ANO2: variants seen among roughly 807,000 people sequenced by gnomAD.
ANO2 encodes anoctamin-2.
In ANO2, 101 loss-of-function variants were observed where a neutral mutation model predicts 124.2. The ratio of observed to expected loss-of-function variants is 0.81; its 90% confidence interval spans 0.69 to 0.96. The LOEUF is 0.96. Ranked by LOEUF, ANO2 falls within the 40% of genes least tolerant of loss-of-function variation. The probability of loss-of-function intolerance (pLI) is 0.00; values close to 1 mark genes in which losing one functional copy is unlikely to be tolerated. For synonymous variants in ANO2, 486 were observed against 482.5 expected, an observed-to-expected ratio of 1.01 and a Z score of -0.09; for missense variants, 1,293 against 1,274.5, an observed-to-expected ratio of 1.01 and a Z score of -0.22.
intron 14 of ANO2, among the ~76,000 whole-genome samples, chr12:5,724,576 C>T (rs1207171018): frequency 6.6e-6 from 1 of 152,192 alleles, no homozygotes; most frequent in East Asian, 1.9e-4. Flanking sequence ...TAATTTATTC[C>T]ACGTGTTTGT....
chr12:5,905,985 G>A (rs769730179), intron 3 of ANO2, among the ~76,000 whole-genome samples: 2 of 152,184 alleles, frequency 1.3e-5, no homozygotes, highest in Admixed American at 6.5e-5. Flanking sequence ...TCTCCTCAGG[G>A]TGGGTGGCTC....
chr12:5,616,662 CT>C (rs1459766443), intron 16 of ANO2, among the ~76,000 whole-genome samples: 5 of 152,298 alleles, frequency 3.3e-5, no homozygotes, highest in African/African-American at 1.2e-4. Context: ...TATGGGCCCC[CT>C]AACTTGCCTG....
intron 14 of ANO2, among the ~76,000 whole-genome samples, chr12:5,721,071 C>G (rs545738964): frequency 1.3e-5 from 2 of 152,142 alleles, no homozygotes; most frequent in Non-Finnish European, 2.9e-5. Flanking sequence ...CCGAACCACG[C>G]TGGAGATTGT....
At chr12:5,873,422 T>A (rs1023797606) in intron 3 of ANO2, among the ~76,000 whole-genome samples, 27 of 152,106 alleles carry the variant, frequency 1.8e-4, no homozygotes, top group Non-Finnish European at 3.7e-4. Context: ...GCAAATAGCA[T>A]CCAACTCACT....
In ANO2 at chr12:5,855,536, A is replaced by G. The variant is rs1321220565; in HGVS notation, c.535-1395T>C. Reference sequence around the variant, plus strand: ...ATGAAGAATAAACCACGATTTCAAAAGGAGATTGGACTATGGTGTGAAAGC... The same window carrying G: ...ATGAAGAATAAACCACGATTTCAAAGGGAGATTGGACTATGGTGTGAAAGC... On this transcript the variant is annotated intron_variant, in intron 3 of 24. Coordinates refer to ENST00000682330, the MANE Select transcript of ANO2 (RefSeq NM_001364791.2). Among the ~76,000 whole-genome samples, 5 of 152,358 alleles carry G rather than the reference A, an allele frequency of 3.3e-5. No homozygotes were observed. In the East Asian group the frequency reaches 9.6e-4, roughly 29 times the overall value.
intron 14 of ANO2, among the ~76,000 whole-genome samples, chr12:5,684,002 T>C (rs1460399925): frequency 6.6e-6 from 1 of 152,190 alleles, no homozygotes; most frequent in African/African-American, 2.4e-5. Context: ...TAATTCACCA[T>C]GGCAGATGTG....
At chr12:5,670,340 C>A (rs1225040089) in intron 14 of ANO2, among the ~76,000 whole-genome samples, 1 of 152,174 alleles carries the variant, frequency 6.6e-6, no homozygotes, top group Non-Finnish European at 1.5e-5. Flanking sequence ...CACTTCCATG[C>A]CACTGTTCCA....
chr12:5,812,603 A>AGAAAGAGAGGAAGAAGAAAAAGG (rs1953448110), intron 7 of ANO2, among the ~76,000 whole-genome samples: 2 of 35,846 alleles, frequency 5.6e-5, no homozygotes, highest in African/African-American at 1.8e-4. Flanking sequence ...GGAAGAAGAA[A>AGAAAGAGAGGAAGAAGAAAAAGG]AAGGAAGGAA....
At chr12:5,926,456 C>T (rs1942083567) in intron 1 of ANO2, among the ~76,000 whole-genome samples, 3 of 152,162 alleles carry the variant, frequency 2.0e-5, no homozygotes, top group Admixed American at 2.0e-4. Flanking sequence ...GCATTCTGCC[C>T]CGCCAGTCTC....
intron 22 of ANO2, 55 bp from the exon 23 acceptor site, chr12:5,576,070 G>A (rs1942389230): frequency 1.3e-6 from 2 of 1,496,682 alleles, no homozygotes; most frequent in Non-Finnish European, 1.8e-6. Context: ...AAAAAGGACT[G>A]TCCACTCTTA....
At chr12:5,871,403 C>T (rs187671702) in intron 3 of ANO2, among the ~76,000 whole-genome samples, 1 of 152,288 alleles carries the variant, frequency 6.6e-6, no homozygotes, top group African/African-American at 2.4e-5. Context: ...CATTCTATAC[C>T]TAGAATAGAG....
Position 5,900,851 on chromosome 12 carries a change from T to G in ANO2, c.534+20189A>C, listed in dbSNP as rs1940147849. On this transcript the variant is annotated intron_variant, in intron 3 of 24. Coordinates refer to ENST00000682330, the MANE Select transcript of ANO2 (RefSeq NM_001364791.2). This position sits in a 1 kb window ranked among gnomAD's most constrained non-coding sequence, Gnocchi z 4.2. ...GCCAAGAGGGCAGGAAGGCGTCTCCTTGTTCTCGGCTCAGGAGACTCAGAG... is the reference window on the plus strand; with the variant it reads ...GCCAAGAGGGCAGGAAGGCGTCTCCGTGTTCTCGGCTCAGGAGACTCAGAG... Among the ~76,000 whole-genome samples the G allele has an allele frequency of 6.6e-6, 1 of 152,216 alleles. No homozygotes were observed. The highest frequency in any genetic ancestry group is 6.5e-5 in the Admixed American group (1 of 15,292).
chr12:5,627,149 C>T (rs144364668), intron 16 of ANO2, among the ~76,000 whole-genome samples: 5 of 152,144 alleles, frequency 3.3e-5, no homozygotes, highest in East Asian at 3.8e-4. Context: ...GTACTCACAT[C>T]GTTTTATTAG....
At chr12:5,605,559 T>C (rs1565465039) in intron 19 of ANO2, among the ~76,000 whole-genome samples, 1 of 152,116 alleles carries the variant, frequency 6.6e-6, no homozygotes, top group African/African-American at 2.4e-5. Context: ...AAGGTGGCAT[T>C]TACCCTTTCA....
chr12:5,599,366 C>T (rs1943816320), intron 20 of ANO2, 118 bp downstream of exon 20: 2 of 1,240,514 alleles, frequency 1.6e-6, no homozygotes, highest in African/African-American at 3.1e-5. Flanking sequence ...CCATGAAGCT[C>T]ATGAAGAAGC....
intron 10 of ANO2, among the ~76,000 whole-genome samples, chr12:5,757,791 T>C (rs1157466680): frequency 6.6e-6 from 1 of 152,222 alleles, no homozygotes; most frequent in Admixed American, 6.5e-5. Context: ...GATATGTGAA[T>C]AGTTTTACAT....
At chr12:5,697,518 C>T (rs1255768478) in intron 14 of ANO2, among the ~76,000 whole-genome samples, 2 of 152,184 alleles carry the variant, frequency 1.3e-5, no homozygotes, top group Non-Finnish European at 2.9e-5. Flanking sequence ...TCTACAGCTC[C>T]CAGCATGAGC....
chr12:5,801,935 T>G (rs924551420), intron 9 of ANO2, among the ~76,000 whole-genome samples: 1 of 152,202 alleles, frequency 6.6e-6, no homozygotes, highest in African/African-American at 2.4e-5. Flanking sequence ...CATAGTGACA[T>G]CATTTGTTGC....
intron 16 of ANO2, among the ~76,000 whole-genome samples, chr12:5,619,937 G>A (rs555905647): frequency 4.6e-5 from 7 of 152,314 alleles, no homozygotes; most frequent in South Asian, 2.1e-4. Flanking sequence ...TCAAGGCCTC[G>A]TAAAGTATGG....
Sources: gnomAD v4.1 joint callset for allele counts (sites outside exome capture counted in the v4.1 genomes callset) on GRCh38, gnomAD v4.1.1 for gene constraint, Gnocchi (gnomAD v3.1) non-coding constraint, MANE v1.5 for transcripts, NCBI Gene and HGNC (gene_info 2026-07-23, HGNC 2026-07-21) for gene names.